The following NPAS3 variants were observed in gnomAD, a reference collection of about 807,000 sequenced individuals.
NPAS3 encodes the protein neuronal PAS domain protein 3, also known as neuronal PAS domain-containing protein 3.
NPAS3 carries 14 observed loss-of-function variants against 73.1 expected under a neutral mutation model. The ratio of observed to expected loss-of-function variants is 0.19; its 90% confidence interval spans 0.13 to 0.30. The LOEUF (loss-of-function observed/expected upper bound fraction) is 0.30, where lower values mean the gene tolerates loss of function less well. Among genes scored for constraint, NPAS3 ranks in the 10% least tolerant of loss-of-function variants. The pLI, the probability that NPAS3 is intolerant of heterozygous loss-of-function variation, is 1.00. For synonymous variants in NPAS3, 620 were observed against 541.5 expected (o/e 1.14, Z -2.01); for missense variants, 1,096 against 1,250.0 (o/e 0.88, Z 1.86).
Position 33,135,760 on chromosome 14 carries a change from AC to A in NPAS3, c.141-79421del, listed in dbSNP as rs768178110. On this transcript the variant is annotated intron_variant, in intron 2 of 11. Transcript: ENST00000356141. ...AAAAGACCAAAAGAAACAATAAAAT[AC>A]TAGCATTGGAGTGGGTCGGGGTAAA... Among the ~76,000 whole-genome samples the A allele has an allele frequency of 4.6e-4, 70 of 152,338 alleles. 1 individual carries two copies. The highest frequency in any genetic ancestry group is 1.8e-3 in the Admixed American group (27 of 15,296).
intron 1 of NPAS3, among the ~76,000 whole-genome samples, chr14:32,978,588 G>C (rs2139379940): frequency 6.6e-6 from 1 of 152,228 alleles, no homozygotes; most frequent in South Asian, 2.1e-4. Flanking sequence ...ACTCTTTGGA[G>C]GAAACTGGGT....
intron 3 of NPAS3, among the ~76,000 whole-genome samples, chr14:33,266,280 C>T (rs1279792288): frequency 1.3e-5 from 2 of 152,098 alleles, no homozygotes; most frequent in Admixed American, 6.6e-5. Context: ...TTGTGGACCT[C>T]CCACCTAGGA....
intron 2 of NPAS3, among the ~76,000 whole-genome samples, chr14:33,169,001 T>C (rs931913051): frequency 6.6e-6 from 1 of 152,228 alleles, no homozygotes; most frequent in Non-Finnish European, 1.5e-5. Flanking sequence ...AAGTGAAGTA[T>C]AATAATACTT....
intron 4 of NPAS3, among the ~76,000 whole-genome samples, chr14:33,546,018 A>C (rs1407253486): frequency 6.6e-6 from 1 of 152,050 alleles, no homozygotes; most frequent in Non-Finnish European, 1.5e-5. Context: ...TTCATTCCTC[A>C]ATCCTCTTCT....
chr14:33,025,074 A>G lies in NPAS3; in HGVS notation c.51-30831A>G, dbSNP rs180917420. 2.1e-3 allele frequency among the ~76,000 whole-genome samples: 316 copies of G among 152,370 alleles called. 2 individuals carry two copies. The highest frequency in any genetic ancestry group is 7.2e-3 in the African/African-American group (301 of 41,582). On this transcript the variant is annotated intron_variant, in intron 1 of 11. Transcript: ENST00000356141. ...TAATAAAAGTAACGTATGTGTCTTC[A>G]TAGATTTTAAAATAAGAAGTTTATA...
chr14:33,028,480 T>C (rs1326820029), intron 1 of NPAS3, among the ~76,000 whole-genome samples: 2 of 152,250 alleles, frequency 1.3e-5, no homozygotes, highest in African/African-American at 4.8e-5. Flanking sequence ...AACTTTGTGC[T>C]ATAGACATTA....
chr14:33,642,123 CAG>C lies in NPAS3; in HGVS notation c.559-34085_559-34084del, dbSNP rs1248884767. Among the ~76,000 whole-genome samples the C allele has an allele frequency of 1.8e-4, 27 of 152,062 alleles. 1 individual carries two copies. The highest frequency in any genetic ancestry group is 1.6e-3 in the Admixed American group (24 of 15,252). ...TGATCACCATGGGAACTCATCAAAA[CAG>C]AGGGCAGCGCTGAAGTTTCATTAAC... On this transcript the variant is annotated intron_variant, in intron 5 of 11. Coordinates refer to ENST00000356141, the Ensembl canonical transcript of NPAS3.
Position 33,186,530 on chromosome 14 carries a change from A to G in NPAS3, c.141-28652A>G, listed in dbSNP as rs368763503. Among the ~76,000 whole-genome samples, 47 of 152,332 alleles carry G rather than the reference A, an allele frequency of 3.1e-4. No homozygotes were observed. In the South Asian group the frequency reaches 5.2e-3, roughly 17 times the overall value. On this transcript the variant is annotated intron_variant, in intron 2 of 11. Coordinates refer to ENST00000356141, the Ensembl canonical transcript of NPAS3. ...CAAATGATCTCCTGACATCAGGACC[A>G]CTGCCATGTCATGATGATAGCTCAA...
chr14:33,396,294 C>A (rs1363668790), intron 4 of NPAS3, among the ~76,000 whole-genome samples: 2 of 152,150 alleles, frequency 1.3e-5, no homozygotes, highest in African/African-American at 4.8e-5. Context: ...ATTCTTCTCT[C>A]TTCCCTGTGC....
intron 6 of NPAS3, among the ~76,000 whole-genome samples, chr14:33,697,576 T>C (rs770140778): frequency 1.3e-5 from 2 of 152,182 alleles, no homozygotes; most frequent in Non-Finnish European, 2.9e-5. Context: ...TAACCCATTC[T>C]CCAAAAATAA....
intron 5 of NPAS3, among the ~76,000 whole-genome samples, chr14:33,651,425 T>C (rs1232063031): frequency 6.6e-6 from 1 of 152,192 alleles, no homozygotes; most frequent in Non-Finnish European, 1.5e-5. Flanking sequence ...GTTCCTTAAG[T>C]TGTTTAGCTT....
chr14:33,301,671 T>C (rs2042555299), intron 3 of NPAS3, among the ~76,000 whole-genome samples: 1 of 152,128 alleles, frequency 6.6e-6, no homozygotes, highest in Non-Finnish European at 1.5e-5. Flanking sequence ...AATACTTATA[T>C]AGGCACAGAT....
intron 9 of NPAS3, among the ~76,000 whole-genome samples, chr14:33,786,616 T>C (rs2063183311): frequency 1.3e-5 from 2 of 152,266 alleles, no homozygotes. Flanking sequence ...TGCGCTTTCA[T>C]AGACCTACAT....
intron 1 of NPAS3, among the ~76,000 whole-genome samples, chr14:32,974,674 C>A: frequency 6.6e-6 from 1 of 152,084 alleles, no homozygotes; most frequent in East Asian, 1.9e-4. Context: ...GATACCTCAG[C>A]TCTATCATGT....
chr14:33,290,533 T>C (rs999735042), intron 3 of NPAS3, among the ~76,000 whole-genome samples: 3 of 152,206 alleles, frequency 2.0e-5, no homozygotes, highest in African/African-American at 7.2e-5. Context: ...AGCAGGCAGC[T>C]GTGTGGGTGA....
chr14:33,421,341 T>C (rs1405103660), intron 4 of NPAS3, among the ~76,000 whole-genome samples: 1 of 151,938 alleles, frequency 6.6e-6, no homozygotes, highest in Non-Finnish European at 1.5e-5. Flanking sequence ...CCTTAAGAGC[T>C]ATTTTTCAAC....
intron 3 of NPAS3, among the ~76,000 whole-genome samples, chr14:33,338,615 C>CT (rs771699191): frequency 6.6e-6 from 1 of 152,052 alleles, no homozygotes; most frequent in Non-Finnish European, 1.5e-5. Flanking sequence ...TGCTCTGAAC[C>CT]TTTTTTCTTT....
chr14:33,801,103 G>A (rs1414141630), exon 12 of NPAS3: 1 of 1,581,452 alleles, frequency 6.3e-7, no homozygotes, highest in Non-Finnish European at 8.6e-7. Context: ...AGCGCAAGGA[G>A]GACTGAGGCG....
intron 2 of NPAS3, among the ~76,000 whole-genome samples, chr14:33,157,954 G>A (rs2044708294): frequency 6.6e-6 from 1 of 152,202 alleles, no homozygotes; most frequent in Admixed American, 6.5e-5. Flanking sequence ...GGAACTGGGA[G>A]TTAGTGTTTG....
Sources: allele counts gnomAD v4.1 joint callset (sites outside exome capture counted in the v4.1 genomes callset), GRCh38; gene constraint gnomAD v4.1.1; transcripts MANE v1.5; gene names NCBI Gene and HGNC (gene_info 2026-07-23, HGNC 2026-07-21).